The following AGK variants were observed in gnomAD, a reference collection of about 807,000 sequenced individuals.
AGK encodes the protein acylglycerol kinase.
AGK carries 52 observed loss-of-function variants against 66.4 expected under a neutral mutation model. The ratio of observed to expected loss-of-function variants is 0.78; its 90% CI spans 0.63 to 0.99. AGK has a LOEUF of 0.99. Among genes scored for constraint, AGK ranks in the 50% least tolerant of loss-of-function variants. The probability of loss-of-function intolerance (pLI) is 0.00; values close to 1 mark genes in which losing one functional copy is unlikely to be tolerated. For synonymous variants in AGK, 182 were observed against 181.1 expected (o/e 1.00, Z -0.04); for missense variants, 451 against 506.6 (o/e 0.89, Z 1.05).
At chr7:141,652,729 C>T in intron 15 of AGK, 58 bp from the exon 16 acceptor site, 1 of 1,581,922 alleles carries the variant, frequency 6.3e-7, no homozygotes, top group East Asian at 2.2e-5. Flanking sequence ...TGTGAGACCT[C>T]CAACTCCAGT....
At chr7:141,566,187 T>G (rs1354822214) in intron 2 of AGK, among the ~76,000 whole-genome samples, 1 of 152,238 alleles carries the variant, frequency 6.6e-6, no homozygotes, top group Admixed American at 6.5e-5. Flanking sequence ...CAAGCCTTCT[T>G]TGTCCTCTCT....
At chr7:141,614,675 T>C (rs1796670099) in intron 7 of AGK, among the ~76,000 whole-genome samples, 2 of 152,118 alleles carry the variant, frequency 1.3e-5, no homozygotes, top group South Asian at 4.1e-4. Flanking sequence ...AGAATAATAA[T>C]GTGGATGAAA....
chr7:141,591,629 A>C (rs1169016597), intron 2 of AGK, among the ~76,000 whole-genome samples: 3 of 152,230 alleles, frequency 2.0e-5, no homozygotes, highest in Non-Finnish European at 4.4e-5. Context: ...AATTCCTGTG[A>C]AAATGCAAAA....
At chr7:141,625,171 A>C (rs1386451877) in intron 9 of AGK, among the ~76,000 whole-genome samples, 1 of 152,142 alleles carries the variant, frequency 6.6e-6, no homozygotes, top group African/African-American at 2.4e-5. Context: ...AATAGACTAT[A>C]GTATAATATA....
chr7:141,609,499 A>G (rs1287614411), intron 5 of AGK, among the ~76,000 whole-genome samples: 1 of 152,230 alleles, frequency 6.6e-6, no homozygotes, highest in Non-Finnish European at 1.5e-5. Flanking sequence ...AGGTCAAGGT[A>G]TGGGGGCAGA....
intron 9 of AGK, among the ~76,000 whole-genome samples, chr7:141,632,527 C>T (rs1797081848): frequency 1.3e-5 from 2 of 152,142 alleles, no homozygotes; most frequent in South Asian, 4.1e-4. Flanking sequence ...TTTCAACTTC[C>T]TGTGGAGAGC....
chr7:141,651,363 A>C (rs1358072336), intron 14 of AGK, among the ~76,000 whole-genome samples, 162 bp from the exon 15 acceptor site: 1 of 152,232 alleles, frequency 6.6e-6, no homozygotes, highest in Non-Finnish European at 1.5e-5. Flanking sequence ...AAGGCTAAGC[A>C]AGAATCACTG....
At chr7:141,553,791 A>C in intron 1 of AGK, among the ~76,000 whole-genome samples, 1 of 152,184 alleles carries the variant, frequency 6.6e-6, no homozygotes, top group Non-Finnish European at 1.5e-5. Flanking sequence ...GCTTTTGATA[A>C]GGATGTTTCT....
intron 2 of AGK, among the ~76,000 whole-genome samples, chr7:141,567,394 T>C (rs771112360): frequency 1.3e-5 from 2 of 152,234 alleles, no homozygotes; most frequent in Non-Finnish European, 2.9e-5. Context: ...TCAGATATTA[T>C]TTATTTGGAG....
intron 2 of AGK, among the ~76,000 whole-genome samples, chr7:141,578,546 T>C (rs1795805369): frequency 6.6e-6 from 1 of 151,620 alleles, no homozygotes; most frequent in South Asian, 2.1e-4. Context: ...GCAAAACTTT[T>C]TTGGGGGGTG....
At chr7:141,593,052 G>A (rs1796156447) in intron 2 of AGK, 94 bp from the exon 3 acceptor site, 7 of 1,021,710 alleles carry the variant, frequency 6.9e-6, no homozygotes, top group Non-Finnish European at 1.0e-5. Flanking sequence ...TTAGAGAAGA[G>A]GTGCCTATAT....
intron 13 of AGK, among the ~76,000 whole-genome samples, chr7:141,642,227 G>A (rs1035588329): frequency 6.6e-6 from 1 of 152,172 alleles, no homozygotes; most frequent in Non-Finnish European, 1.5e-5. Context: ...GAAAAAAATT[G>A]TGGAACTTTT....
intron 2 of AGK, among the ~76,000 whole-genome samples, chr7:141,587,731 G>A (rs1162392667): frequency 3.9e-5 from 6 of 152,132 alleles, no homozygotes; most frequent in African/African-American, 1.4e-4. Flanking sequence ...CCCCCATTAT[G>A]TGCCCCTTTT....
At chr7:141,601,356 C>CA in intron 5 of AGK, 76 bp downstream of exon 5, 1 of 1,154,466 alleles carries the variant, frequency 8.7e-7, no homozygotes, top group Non-Finnish European at 1.3e-6. Context: ...GGCTTCTTAG[C>CA]AAAAATTGCT....
chr7:141,602,794 A>T (rs1796373831), intron 5 of AGK, among the ~76,000 whole-genome samples: 1 of 151,860 alleles, frequency 6.6e-6, no homozygotes, highest in Non-Finnish European at 1.5e-5. Context: ...TATTGTATGT[A>T]TTTAAGCTAC....
At chr7:141,646,335 G>T (rs1797412510) in intron 13 of AGK, among the ~76,000 whole-genome samples, 3 of 152,132 alleles carry the variant, frequency 2.0e-5, no homozygotes, top group Admixed American at 2.0e-4. Context: ...AGGAGAGTCA[G>T]TCCTCTCACA....
intron 5 of AGK, among the ~76,000 whole-genome samples, chr7:141,606,132 T>C (rs1030776228): frequency 6.6e-6 from 1 of 152,230 alleles, no homozygotes; most frequent in African/African-American, 2.4e-5. Context: ...TCCCAGGTGA[T>C]TATAATGTGT....
intron 2 of AGK, among the ~76,000 whole-genome samples, chr7:141,579,248 G>T (rs1460075999): frequency 6.6e-6 from 1 of 152,000 alleles, no homozygotes; most frequent in Non-Finnish European, 1.5e-5. Context: ...GGCTGAGCTT[G>T]GTGAGGTGTG....
chr7:141,574,980 G>T (rs977713608), intron 2 of AGK, among the ~76,000 whole-genome samples: 1 of 152,224 alleles, frequency 6.6e-6, no homozygotes, highest in African/African-American at 2.4e-5. Flanking sequence ...GAGGGCAGAC[G>T]TGGCGTTTTG....
Sources: allele counts gnomAD v4.1 joint callset (sites outside exome capture counted in the v4.1 genomes callset), GRCh38; gene constraint gnomAD v4.1.1; transcripts MANE v1.5; gene names NCBI Gene and HGNC (gene_info 2026-07-23, HGNC 2026-07-21).